The following SPEN variants were observed in gnomAD, a reference collection of about 807,000 sequenced individuals.
SPEN encodes msx2-interacting protein.
Under a neutral mutation model 269.9 loss-of-function variants are expected in SPEN, and 18 were observed. That is an observed-to-expected ratio of 0.07 (90% CI 0.05 to 0.10). The LOEUF (loss-of-function observed/expected upper bound fraction) is 0.10, where lower values mean the gene tolerates loss of function less well. Among genes scored for constraint, SPEN ranks in the 10% least tolerant of loss-of-function variants. The pLI, the probability that SPEN is intolerant of heterozygous loss-of-function variation, is 1.00. For synonymous variants in SPEN, 1,726 were observed against 1,765.7 expected (o/e 0.98, Z 0.56); for missense variants, 3,822 against 4,631.2 (o/e 0.83, Z 5.07).
rs751262776 is a variant in SPEN at position 15,919,498 on chromosome 1, G to A, written c.1616G>A (p.Arg539Gln). The change falls in exon 8 of 15, where the codon CGA (arginine) becomes CAA (glutamine). Residue 539 changes from arginine (R) to glutamine (Q), a missense_variant. Arg to Gln is a conservative substitution (Grantham distance 43). This residue lies in a region of SPEN where 230 missense variants were observed against 426.1 expected (regional missense o/e 0.54). Transcript: ENST00000375759. ...SDQYLTRHFC[R>Q]YGPVVKVVFD... ...CAGTATTTAACACGACATTTCTGCCGATATGGGCCTGTGGTAAAGGTAGGC... is the reference window on the plus strand; with the variant it reads ...CAGTATTTAACACGACATTTCTGCCAATATGGGCCTGTGGTAAAGGTAGGC... The A allele has an allele frequency of 3.1e-6, 5 of 1,601,804 alleles. No individual in the cohort carries two copies. Among genetic ancestry groups the A allele is most frequent in the East Asian group, 2.3e-5 (1 of 44,020 alleles).
At chr1:15,855,275 C>G (rs183700137) in intron 1 of SPEN, among the ~76,000 whole-genome samples, 98 of 152,210 alleles carry the variant, frequency 6.4e-4, no homozygotes, top group African/African-American at 2.2e-3. Flanking sequence ...TATGAAGATT[C>G]TTTTAATTAT....
rs545854461 is a variant in SPEN, at chr1:15,938,606, T to G, written c.10705-112T>G. 12 of 646,526 alleles carry G rather than the reference T, an allele frequency of 1.9e-5. No individual in the cohort carries two copies. The South Asian group carries it at 3.2e-4, about 17-fold the overall frequency. 40.0% of individuals were successfully genotyped at this position (646,526 alleles called of 1,614,324 possible). A position where few individuals can be genotyped will look rare whatever the true frequency, so the allele number is the denominator to read the frequency against. ...TTTTCATTCAAATATCAGGGTAGCC[T>G]TTAAAGTCATCTCAGAGGTGGGGGT... On this transcript the variant is annotated intron_variant, in intron 13 of 14. Coordinates refer to ENST00000375759, the MANE Select transcript of SPEN (RefSeq NM_015001.3).
chr1:15,857,660 A>G (rs560006513), intron 1 of SPEN, among the ~76,000 whole-genome samples: 1 of 141,788 alleles, frequency 7.1e-6, no homozygotes, highest in Non-Finnish European at 1.5e-5. Context: ...CCCGGCCCCT[A>G]TTTATTTATT....
intron 3 of SPEN, among the ~76,000 whole-genome samples, chr1:15,908,811 T>C (rs1325354643): frequency 6.6e-6 from 1 of 152,228 alleles, no homozygotes; most frequent in Non-Finnish European, 1.5e-5. Context: ...GATGCAATTT[T>C]AGAAATACTA....
At position 15,938,851 on chromosome 1, in the gene SPEN, A is replaced by G. The variant is rs1335223552; in HGVS notation, c.10838A>G (p.Asn3613Ser). ...LQAKQAAGII[N>S]VPNPGSNQPA... ...GCCAAGCAGGCGGCAGGGATCATCA[A>G]CGTTCCCAACCCTGGCTCCAATCAG... The change falls in exon 14 of 15, where the codon AAC (asparagine) becomes AGC (serine). Residue 3613 changes from asparagine (N) to serine (S), a missense_variant. This residue lies in a region of SPEN where 103 missense variants were observed against 215.8 expected (regional missense o/e 0.48). Transcript: ENST00000375759. The G allele has an allele frequency of 2.5e-6, 4 of 1,614,032 alleles. No homozygotes were observed. The highest frequency in any genetic ancestry group is 1.7e-5 in the Admixed American group (1 of 60,010).
chr1:15,930,706 C>G lies in SPEN; in HGVS notation c.4466C>G (p.Pro1489Arg). Residue 1489 changes from proline (P) to arginine (R), a missense_variant, in exon 11 of 15, where the codon CCT becomes CGT. By Grantham distance (103) the Pro-to-Arg change is moderately radical (BLOSUM62 -2). Coordinates refer to ENST00000375759, the MANE Select transcript of SPEN (RefSeq NM_015001.3). The surrounding 1 kb of genome is among the most constrained non-coding windows in gnomAD (Gnocchi z 5.3). ...GAAAAGGTTGACTCTGCTCCAAGAC[C>G]TATTCCATCCTGGTACATGAAAAAG... Reference protein sequence around the residue: ...DKEKVDSAPRPIPSWYMKKKK... With the variant: ...DKEKVDSAPRRIPSWYMKKKK... 6.2e-7 allele frequency: 1 copy of G among 1,613,902 alleles called. No homozygotes were observed.
rs1474409669 is a variant in SPEN, at chr1:15,920,950, C to T, written c.1716C>T (p.Thr572=). ...ATGCACAAGCAGCTGTAAAAGAGAC[C>T]AAAGGGAGGAAAATCGGTGGGAATA... ...IEYAQAAVKE[T]KGRKIGGNKI... The change falls in exon 9 of 15, where the codon ACC becomes ACT. Residue 572 remains threonine, a synonymous_variant. Transcript: ENST00000375759. 1 of 1,611,292 alleles carries T rather than the reference C, an allele frequency of 6.2e-7. No homozygotes were observed. Among genetic ancestry groups the T allele is most frequent in the Non-Finnish European group, 8.5e-7 (1 of 1,178,602 alleles).
intron 9 of SPEN, 61 bp from the exon 10 acceptor site, chr1:15,922,188 T>C (rs1191080037): frequency 7.1e-6 from 9 of 1,262,078 alleles, no homozygotes; most frequent in Non-Finnish European, 1.0e-5. Flanking sequence ...ACAAATCTGA[T>C]AACATTTTTC....
intron 6 of SPEN, chr1:15,918,057 A>G (rs2071081868): frequency 1.3e-5 from 2 of 152,228 alleles, no homozygotes; most frequent in Admixed American, 1.3e-4. Flanking sequence ...CTCTAATTGC[A>G]GTTCTACTGC....
rs759576519 is a variant in SPEN at position 15,930,899 on chromosome 1, T to C, written c.4659T>C (p.Ser1553=). ...LQHLERKEED[S]DFISGRIYGK... ...ATCTAGAGAGAAAAGAGGAAGATTC[T>C]GACTTCATTTCTGGTAGGATCTATG... The change falls in exon 11 of 15, where the codon TCT becomes TCC. Residue 1553 remains serine (S), a synonymous_variant. Transcript: ENST00000375759. The surrounding 1 kb of genome is among the most constrained non-coding windows in gnomAD (Gnocchi z 5.3). 4 of 1,614,106 alleles carry C rather than the reference T, an allele frequency of 2.5e-6. No homozygotes were observed. The highest frequency in any genetic ancestry group is 3.4e-6 in the Non-Finnish European group (4 of 1,180,022).
chr1:15,907,943 G>C lies in SPEN; in HGVS notation c.882-1378G>C, dbSNP rs1287338432. ...ACTGTGTAAGTAGCATTTCCTTCTT[G>C]TCCTTCAGTTGACTCTCTTTCTGTT... On this transcript the variant is annotated intron_variant, in intron 3 of 14. Transcript: ENST00000375759. 2.6e-5 allele frequency among the ~76,000 whole-genome samples: 4 copies of C among 151,902 alleles called. No individual in the cohort carries two copies. The East Asian group carries it at 7.7e-4, about 29-fold the overall frequency.
At chr1:15,882,442 A>G (rs1016300339) in intron 3 of SPEN, among the ~76,000 whole-genome samples, 6 of 151,998 alleles carry the variant, frequency 3.9e-5, no homozygotes, top group African/African-American at 9.7e-5. Flanking sequence ...CGGGTAGATC[A>G]TGAGGTCAGG....
intron 3 of SPEN, among the ~76,000 whole-genome samples, chr1:15,894,533 G>GTTTTTTTTTTTTTTTTTTTTTT (rs35841965): frequency 7.4e-6 from 1 of 136,014 alleles, no homozygotes; most frequent in African/African-American, 3.0e-5. Context: ...CCATATTATG[G>GTTTTTTTTTTTTTTTTTTTTTT]TTGTTTTTTT....
chr1:15,886,632 C>T (rs1422852927), intron 3 of SPEN, among the ~76,000 whole-genome samples: 1 of 152,184 alleles, frequency 6.6e-6, no homozygotes, highest in African/African-American at 2.4e-5. Flanking sequence ...TTTAATACAT[C>T]TTTCTGTTAT....
In SPEN at chr1:15,932,401, C is replaced by G; in HGVS notation, c.6161C>G (p.Pro2054Arg). ...AAAGATGCTGGCACAGACAAAAACC[C>G]CCCTGAAACCGCCCCTGTTGAAGTT... ...DRKDAGTDKN[P>R]PETAPVEVVE... The change falls in exon 11 of 15, where the codon CCC becomes CGC. Residue 2054 changes from proline (P) to arginine (R), a missense_variant. This residue lies in a region of SPEN where 727 missense variants were observed against 737.9 expected (regional missense o/e 0.99). Coordinates refer to ENST00000375759, the MANE Select transcript of SPEN (RefSeq NM_015001.3). The surrounding 1 kb of genome is among the most constrained non-coding windows in gnomAD (Gnocchi z 4.2). The G allele has an allele frequency of 6.2e-7, 1 of 1,614,086 alleles. No individual in the cohort carries two copies. The highest frequency in any genetic ancestry group is 1.3e-5 in the African/African-American group (1 of 75,008).
chr1:15,871,025 G>T (rs748259075), intron 1 of SPEN, among the ~76,000 whole-genome samples: 5 of 152,146 alleles, frequency 3.3e-5, no homozygotes, highest in Non-Finnish European at 7.4e-5. Flanking sequence ...CTGTTGCCCA[G>T]GGTGGATCTC....
Position 15,880,135 on chromosome 1 carries a change from T to A in SPEN, c.881+3457T>A, listed in dbSNP as rs555880327. ...TACCTGACAAGGAAGTAAGGCATAC[T>A]GAAATCTGCTGGTTGAAGGCACCTT... is the stretch of plus-strand genomic sequence containing the variant. On this transcript the variant is annotated intron_variant, in intron 3 of 14. Coordinates refer to ENST00000375759, the MANE Select transcript of SPEN (RefSeq NM_015001.3). Among the ~76,000 whole-genome samples, 14 of 152,318 alleles carry A rather than the reference T, an allele frequency of 9.2e-5. No homozygotes were observed. The South Asian group carries it at 2.7e-3, about 29-fold the overall frequency.
intron 1 of SPEN, among the ~76,000 whole-genome samples, chr1:15,863,884 A>G (rs533439051): frequency 3.3e-5 from 5 of 152,288 alleles, no homozygotes; most frequent in East Asian, 1.9e-4. Flanking sequence ...GTTTTCAGCA[A>G]TACTATTCAC....
At chr1:15,849,911 G>A (rs2070316502) in intron 1 of SPEN, among the ~76,000 whole-genome samples, 1 of 152,160 alleles carries the variant, frequency 6.6e-6, no homozygotes, top group Non-Finnish European at 1.5e-5. Context: ...GTACAAGCAC[G>A]TGCATTGCAG....
Sources: allele counts gnomAD v4.1 joint callset (sites outside exome capture counted in the v4.1 genomes callset), GRCh38; gene constraint gnomAD v4.1.1; regional missense constraint gnomAD v4.1.1; non-coding constraint Gnocchi (gnomAD v3.1); transcripts MANE v1.5; gene names NCBI Gene and HGNC (gene_info 2026-07-23, HGNC 2026-07-21).